The following ROBO2 variants were observed in gnomAD, a reference collection of about 807,000 sequenced individuals.
The protein encoded by ROBO2 is roundabout guidance receptor 2.
Under a neutral mutation model 160.8 loss-of-function variants are expected in ROBO2, and 53 were observed. That is an observed-to-expected ratio of 0.33 (90% CI 0.26 to 0.41). ROBO2 has a LOEUF of 0.41. ROBO2 is among the 10% of genes least tolerant of loss of function. The pLI, the probability that ROBO2 is intolerant of heterozygous loss-of-function variation, is 1.00. For synonymous variants in ROBO2, 664 were observed against 611.7 expected (o/e 1.09, Z -1.26); for missense variants, 1,577 against 1,722.4 (o/e 0.92, Z 1.49).
At chr3:75,945,662 A>T (rs1238273441) in intron 2 of ROBO2, among the ~76,000 whole-genome samples, 2 of 152,156 alleles carry the variant, frequency 1.3e-5, no homozygotes, top group African/African-American at 4.8e-5. Context: ...ATAGGTTTTT[A>T]TCTTTTTATA....
At chr3:77,390,733 G>C (rs1418817438) in intron 2 of ROBO2, among the ~76,000 whole-genome samples, 1 of 152,180 alleles carries the variant, frequency 6.6e-6, no homozygotes, top group East Asian at 1.9e-4. Flanking sequence ...TAGCATGTGT[G>C]CCACTTACAT....
chr3:77,001,285 G>T (rs1173606509), intron 2 of ROBO2, among the ~76,000 whole-genome samples: 1 of 152,096 alleles, frequency 6.6e-6, no homozygotes, highest in South Asian at 2.1e-4. Context: ...CAGAGTTTTG[G>T]CTGCAAAACC....
intron 16 of ROBO2, among the ~76,000 whole-genome samples, chr3:77,587,537 T>C (rs1339497627): frequency 6.6e-6 from 1 of 152,008 alleles, no homozygotes; most frequent in Non-Finnish European, 1.5e-5. Context: ...AACTACATAT[T>C]AGCCTCCACT....
chr3:77,232,467 T>C (rs933874137), intron 2 of ROBO2, among the ~76,000 whole-genome samples: 1 of 152,042 alleles, frequency 6.6e-6, no homozygotes, highest in Non-Finnish European at 1.5e-5. Context: ...GATTCTTTGA[T>C]TTGTAGGAGA....
At chr3:77,076,170 T>C (rs932828599) in intron 1 of ROBO2, among the ~76,000 whole-genome samples, 7 of 152,172 alleles carry the variant, frequency 4.6e-5, no homozygotes, top group Non-Finnish European at 7.3e-5. Flanking sequence ...GAAAGACTTA[T>C]TGTCTTTCCA....
intron 2 of ROBO2, among the ~76,000 whole-genome samples, chr3:76,433,149 T>C (rs2076515753): frequency 6.6e-6 from 1 of 152,224 alleles, no homozygotes; most frequent in South Asian, 2.1e-4. Flanking sequence ...ATTTTCTTAT[T>C]AGTGGGACTA....
intron 2 of ROBO2, among the ~76,000 whole-genome samples, chr3:76,487,797 TCC>T (rs1270342647): frequency 6.6e-6 from 1 of 152,160 alleles, no homozygotes; most frequent in African/African-American, 2.4e-5. Flanking sequence ...AGGACTGAAT[TCC>T]CCATTTTCTT....
At chr3:77,256,259 C>A (rs2058403827) in intron 2 of ROBO2, among the ~76,000 whole-genome samples, 1 of 152,146 alleles carries the variant, frequency 6.6e-6, no homozygotes, top group Non-Finnish European at 1.5e-5. Context: ...TCTGATTGAT[C>A]ATTCTATAAA....
intron 2 of ROBO2, among the ~76,000 whole-genome samples, chr3:76,397,547 A>T: frequency 6.6e-6 from 1 of 151,660 alleles, no homozygotes; most frequent in African/African-American, 2.4e-5. Context: ...AACCTACAAA[A>T]TGGGAGAAAA....
chr3:77,501,256 G>T (rs1272515203), intron 5 of ROBO2, among the ~76,000 whole-genome samples: 3 of 151,970 alleles, frequency 2.0e-5, no homozygotes, highest in Non-Finnish European at 4.4e-5. Flanking sequence ...ATTTACCACT[G>T]GAGACACTCT....
chr3:77,221,886 C>T (rs188298918), intron 2 of ROBO2, among the ~76,000 whole-genome samples: 4 of 137,662 alleles, frequency 2.9e-5, no homozygotes, highest in Non-Finnish European at 4.6e-5. Flanking sequence ...CAGAGTCTTG[C>T]TCTGTCACCA....
intron 2 of ROBO2, among the ~76,000 whole-genome samples, chr3:77,453,085 G>C (rs1428645876): frequency 6.6e-6 from 1 of 151,944 alleles, no homozygotes; most frequent in African/African-American, 2.4e-5. Flanking sequence ...ACTCAACATT[G>C]CCATTTAAAA....
chr3:76,188,709 T>C (rs1222771412), intron 2 of ROBO2, among the ~76,000 whole-genome samples: 1 of 152,122 alleles, frequency 6.6e-6, no homozygotes, highest in Non-Finnish European at 1.5e-5. Flanking sequence ...TCCTTCAAAC[T>C]CTATTGCACC....
At chr3:76,782,886 T>G (rs569194103) in intron 2 of ROBO2, among the ~76,000 whole-genome samples, 1 of 151,016 alleles carries the variant, frequency 6.6e-6, no homozygotes, top group African/African-American at 2.4e-5. Flanking sequence ...TATTGATAGT[T>G]AAAGACTTAC....
intron 2 of ROBO2, among the ~76,000 whole-genome samples, chr3:77,410,660 TTCCTCCTCCTCTTCC>T (rs1344937012): frequency 1.1e-3 from 63 of 59,876 alleles, no homozygotes; most frequent in African/African-American, 1.8e-3. Context: ...CCTCCTCTTC[TTCCTCCTCCTCTTCC>T]TCCTCCTCCT....
chr3:76,328,928 A>G (rs1166715720), intron 2 of ROBO2, among the ~76,000 whole-genome samples: 1 of 139,984 alleles, frequency 7.1e-6, no homozygotes, highest in Admixed American at 7.2e-5. Context: ...ATATATATAT[A>G]TATGTTATTA....
intron 2 of ROBO2, among the ~76,000 whole-genome samples, chr3:77,115,932 C>T (rs1238176884): frequency 6.6e-6 from 1 of 152,052 alleles, no homozygotes; most frequent in Non-Finnish European, 1.5e-5. Context: ...TGACCCTGAC[C>T]CCTTCGTGGC....
chr3:77,435,829 A>C (rs1375112433), intron 2 of ROBO2, among the ~76,000 whole-genome samples: 1 of 151,688 alleles, frequency 6.6e-6, no homozygotes, highest in East Asian at 2.0e-4. Flanking sequence ...CATATCTTAA[A>C]GTATATCTGA....
At chr3:77,263,983 G>A (rs753972469) in intron 2 of ROBO2, among the ~76,000 whole-genome samples, 1 of 151,948 alleles carries the variant, frequency 6.6e-6, no homozygotes, top group Non-Finnish European at 1.5e-5. Flanking sequence ...AGTGGCACTT[G>A]GTTCATAGCG....
Sources: gnomAD v4.1 joint callset for allele counts (sites outside exome capture counted in the v4.1 genomes callset) on GRCh38, gnomAD v4.1.1 for gene constraint, MANE v1.5 for transcripts, NCBI Gene and HGNC (gene_info 2026-07-23, HGNC 2026-07-21) for gene names.